Variants in DCLRE1A observed in about 807,000 individuals in gnomAD.
DCLRE1A encodes DNA cross-link repair 1A.
A neutral mutation model predicts 91.9 loss-of-function variants in DCLRE1A; 64 were observed. The ratio of observed to expected loss-of-function variants is 0.70; its 90% CI spans 0.57 to 0.86. The LOEUF (loss-of-function observed/expected upper bound fraction) is 0.86. DCLRE1A is among the 40% of genes least tolerant of loss of function. DCLRE1A has a pLI of 0.00. For missense variants in DCLRE1A, 1,145 were observed against 1,213.3 expected (o/e 0.94, Z 0.84); for synonymous variants, 416 against 431.1 (o/e 0.96, Z 0.43).
Position 113,853,053 on chromosome 10 carries a change from G to A in DCLRE1A, c.130C>T (p.Gln44Ter), listed in dbSNP as rs1275808433. Residue 44 changes from glutamine to a stop codon, truncating the protein, a stop_gained, in exon 1 of 9, where the codon CAG (glutamine) becomes TAG (stop). Transcript: ENST00000361384. LOFTEE classifies it high-confidence loss of function. ...TTTCTGTTTCTACTCCGTTTTGACT[G>A]GTATTTTCCATCTGTTGCTTTTTCA... Reference protein sequence around the residue: ...SVEKATDGKYQSKRSRNRKRA... With the variant: ...SVEKATDGKY 4 of 1,613,340 alleles carry A rather than the reference G, an allele frequency of 2.5e-6. No individual in the cohort carries two copies. Among genetic ancestry groups the A allele is most frequent in the East Asian group, 4.5e-5 (2 of 44,872 alleles).
chr10:113,845,672 C>T lies in DCLRE1A; in HGVS notation c.2378+13G>A, dbSNP rs1346643956. On this transcript the variant is annotated intron_variant, in intron 4 of 8. Coordinates refer to ENST00000361384, the MANE Select transcript of DCLRE1A (RefSeq NM_014881.5). ...TTTAAAAAATGTGCTATTAAGATGA[C>T]TTTAATACTTACTGATTGGCATCAA... 1 of 1,598,742 alleles carries T rather than the reference C, an allele frequency of 6.3e-7. No homozygotes were observed. The highest frequency in any genetic ancestry group is 8.6e-7 in the Non-Finnish European group (1 of 1,166,214).
In DCLRE1A at chr10:113,853,281, A is replaced by G. The variant is rs1845692065; in HGVS notation, c.-99T>C. On this transcript the variant is annotated 5_prime_UTR_variant, in exon 1 of 9. Coordinates refer to ENST00000361384, the MANE Select transcript of DCLRE1A (RefSeq NM_014881.5). ...AAGTTATAGAATTATTTTGCTGAGA[A>G]AAAAAACAAAGGTAACAAAACCCCC... The G allele has an allele frequency of 2.1e-5, 26 of 1,219,622 alleles. No individual in the cohort carries two copies. The highest frequency in any genetic ancestry group is 5.7e-4 in the Middle Eastern group (2 of 3,486). 75.6% of individuals were successfully genotyped at this position (1,219,622 alleles called of 1,614,324 possible).
At chr10:113,838,097 A>G (rs1237409635) in intron 7 of DCLRE1A, among the ~76,000 whole-genome samples, 1 of 152,092 alleles carries the variant, frequency 6.6e-6, no homozygotes, top group Non-Finnish European at 1.5e-5. Flanking sequence ...TACCTACCAT[A>G]AGACAACCAT....
chr10:113,844,282 C>A, intron 4 of DCLRE1A, 38 bp from the exon 5 acceptor site: 1 of 1,609,786 alleles, frequency 6.2e-7, no homozygotes, highest in Non-Finnish European at 8.5e-7. Context: ...ATAACACAGG[C>A]AAGCACCTAA....
At chr10:113,847,107 G>T in intron 3 of DCLRE1A, 95 bp downstream of exon 3, 1 of 1,197,688 alleles carries the variant, frequency 8.3e-7, no homozygotes, top group Non-Finnish European at 1.1e-6. Context: ...CTAGTAGAAT[G>T]AAAGATCTTA....
At chr10:113,843,902 CA>C (rs1353981227) in intron 5 of DCLRE1A, among the ~76,000 whole-genome samples, 1 of 152,156 alleles carries the variant, frequency 6.6e-6, no homozygotes, top group South Asian at 2.1e-4. Flanking sequence ...ATAAATCACA[CA>C]AAAAAATGAG....
rs1479475989 is a variant in DCLRE1A at position 113,850,311 on chromosome 10, A to T, written c.794T>A (p.Val265Asp). The T allele has an allele frequency of 1.9e-6, 3 of 1,614,234 alleles. No individual in the cohort carries two copies. The highest frequency in any genetic ancestry group is 2.5e-6 in the Non-Finnish European group (3 of 1,180,044). ...SQQALQFTDF[V>D]ENDKLVGVAL... ...AACTCCCACTAGTTTGTCATTCTCAACAAAATCTGTAAATTGTAGAGCTTG... is the reference window on the plus strand; with the variant it reads ...AACTCCCACTAGTTTGTCATTCTCATCAAAATCTGTAAATTGTAGAGCTTG... Residue 265 changes from valine to aspartate, a missense_variant, in exon 2 of 9, where the codon GTT becomes GAT. Coordinates refer to ENST00000361384, the MANE Select transcript of DCLRE1A (RefSeq NM_014881.5).
chr10:113,837,999 A>C (rs1216780279), intron 7 of DCLRE1A, among the ~76,000 whole-genome samples: 1 of 152,176 alleles, frequency 6.6e-6, no homozygotes, highest in African/African-American at 2.4e-5. Context: ...ATGAATAATA[A>C]AATTCATTTT....
In DCLRE1A at chr10:113,849,930, T is replaced by C; in HGVS notation, c.1175A>G (p.Asn392Ser). The change falls in exon 2 of 9, where the codon AAT (asparagine) becomes AGT (serine). Residue 392 changes from asparagine (N) to serine (S), a missense_variant. Physicochemically the swap from Asn to Ser is conservative, Grantham distance 46 (BLOSUM62 1). Coordinates refer to ENST00000361384, the MANE Select transcript of DCLRE1A (RefSeq NM_014881.5). Reference sequence around the variant, plus strand: ...CAGATCATAAGGCAAAGTACTCTCATTATTTTGAGAAATAGGTTGAGACAA... The same window carrying C: ...CAGATCATAAGGCAAAGTACTCTCACTATTTTGAGAAATAGGTTGAGACAA... ...NDLSQPISQNNESTLPYDLAC... is the reference protein window; with the variant it reads ...NDLSQPISQNSESTLPYDLAC... 6.2e-7 allele frequency: 1 copy of C among 1,614,066 alleles called. No homozygotes were observed. Among genetic ancestry groups the C allele is most frequent in the Non-Finnish European group, 8.5e-7 (1 of 1,180,000 alleles).
chr10:113,853,198 T>C lies in DCLRE1A; in HGVS notation c.-16A>G. 1 of 1,519,148 alleles carries C rather than the reference T, an allele frequency of 6.6e-7. No individual in the cohort carries two copies. Among genetic ancestry groups the C allele is most frequent in the South Asian group, 1.3e-5 (1 of 75,256 alleles). 94.1% of individuals were successfully genotyped at this position (1,519,148 alleles called of 1,614,324 possible). A position where few individuals can be genotyped will look rare whatever the true frequency, so the allele number is the denominator to read the frequency against. On this transcript the variant is annotated 5_prime_UTR_variant, in exon 1 of 9. Transcript: ENST00000361384. ...CTTCTAACATGGCAAAATGATTTTATCATTCAAGAAGTATTAATCTTAAGT... is the reference window on the plus strand; with the variant it reads ...CTTCTAACATGGCAAAATGATTTTACCATTCAAGAAGTATTAATCTTAAGT...
chr10:113,835,446 T>C (rs1845346899), intron 8 of DCLRE1A, 134 bp from the exon 9 acceptor site: 1 of 836,290 alleles, frequency 1.2e-6, no homozygotes, highest in African/African-American at 1.7e-5. Flanking sequence ...CTCAGTGCTT[T>C]AGTTCTGAAA....
chr10:113,836,261 T>C (rs1054224488), intron 8 of DCLRE1A, among the ~76,000 whole-genome samples: 3 of 152,194 alleles, frequency 2.0e-5, no homozygotes. Flanking sequence ...GATTACCTTA[T>C]TGCGTGTATA....
Position 113,853,018 on chromosome 10 carries a change from T to G in DCLRE1A, c.165A>C (p.Ala55=), listed in dbSNP as rs760892007. 1.2e-6 allele frequency: 2 copies of G among 1,614,018 alleles called. No individual in the cohort carries two copies. Among genetic ancestry groups the G allele is most frequent in the South Asian group, 2.2e-5 (2 of 90,996 alleles). The stretch of plus-strand genomic sequence containing the variant: ...CATGGTCCTTCACCTCTTTAGCTTC[T>G]GCGGCTCTTTTTCTGTTTCTACTCC... ...SKRSRNRKRA[A]EAKEVKDHEV... Residue 55 remains alanine, a synonymous_variant, in exon 1 of 9, where the codon GCA becomes GCC. Transcript: ENST00000361384.
At chr10:113,850,675 C>T (rs765595981) in intron 1 of DCLRE1A, 31 bp from the exon 2 acceptor site, 13 of 1,509,692 alleles carry the variant, frequency 8.6e-6, no homozygotes, top group Middle Eastern at 1.8e-4. Context: ...AAATATTACA[C>T]GATCAAAGCA....
rs1845489645 is a variant in DCLRE1A, at chr10:113,844,085, C to CA, written c.2519+18dup. ...GCTGTCAGTGGGAAAAGGAAACACA[C>CA]AAAAAAAGCCTCTCTTACGTGGTAT... On this transcript the variant is annotated intron_variant, in intron 5 of 8. Coordinates refer to ENST00000361384, the MANE Select transcript of DCLRE1A (RefSeq NM_014881.5). 1 of 1,612,378 alleles carries CA rather than the reference C, an allele frequency of 6.2e-7. No individual in the cohort carries two copies. Among genetic ancestry groups the CA allele is most frequent in the East Asian group, 2.2e-5 (1 of 44,858 alleles).
At chr10:113,851,612 GT>G (rs1341236340) in intron 1 of DCLRE1A, among the ~76,000 whole-genome samples, 2 of 151,372 alleles carry the variant, frequency 1.3e-5, no homozygotes, top group African/African-American at 4.9e-5. Flanking sequence ...CATTTGACAC[GT>G]TTTTTGTTAG....
intron 7 of DCLRE1A, among the ~76,000 whole-genome samples, chr10:113,839,324 CAAAAAAAAAAA>C (rs35405311): frequency 8.2e-5 from 5 of 61,240 alleles, no homozygotes; most frequent in African/African-American, 3.7e-4. Flanking sequence ...GACCCTGTCT[CAAAAAAAAAAA>C]AAAAAAAAAA....
In DCLRE1A at chr10:113,849,675, A is replaced by C. The variant is rs780208332; in HGVS notation, c.1430T>G (p.Leu477Arg). 6.2e-7 allele frequency: 1 copy of C among 1,614,182 alleles called. No individual in the cohort carries two copies. The highest frequency in any genetic ancestry group is 8.5e-7 in the Non-Finnish European group (1 of 1,180,036). The change falls in exon 2 of 9, where the codon CTT (leucine) becomes CGT (arginine). Residue 477 changes from leucine (L) to arginine (R), a missense_variant. By Grantham distance (102) the Leu-to-Arg change is moderately radical. Coordinates refer to ENST00000361384, the MANE Select transcript of DCLRE1A (RefSeq NM_014881.5). ...KPFESQVEGYLSSQPTQNTIR... is the reference protein window; with the variant it reads ...KPFESQVEGYRSSQPTQNTIR... ...TGTATTTTGGGTTGGTTGGGAAGAAAGATACCCTTCTACCTGACTTTCAAA... is the reference window on the plus strand; with the variant it reads ...TGTATTTTGGGTTGGTTGGGAAGAACGATACCCTTCTACCTGACTTTCAAA...
intron 1 of DCLRE1A, 69 bp from the exon 2 acceptor site, chr10:113,850,713 T>A: frequency 7.9e-7 from 1 of 1,272,396 alleles, no homozygotes; most frequent in Non-Finnish European, 1.1e-6. Context: ...ACATTAGCAG[T>A]ATAAATTGGG....
Sources: allele counts gnomAD v4.1 joint callset (sites outside exome capture counted in the v4.1 genomes callset), GRCh38; gene constraint gnomAD v4.1.1; transcripts MANE v1.5; gene names NCBI Gene and HGNC (gene_info 2026-07-23, HGNC 2026-07-21).